The following CNTN5 variants were observed in gnomAD, a reference collection of about 807,000 sequenced individuals.
The protein encoded by CNTN5 is contactin 5, also known as contactin-5.
CNTN5 carries 77 observed loss-of-function variants against 129.1 expected under a neutral mutation model. The ratio of observed to expected loss-of-function variants is 0.60; its 90% confidence interval spans 0.50 to 0.72. The LOEUF is 0.72. Ranked by LOEUF, CNTN5 falls within the 30% of genes least tolerant of loss-of-function variation. The pLI is 0.00. For synonymous variants in CNTN5, 509 were observed against 465.6 expected (o/e 1.09, Z -1.20); for missense variants, 1,478 against 1,328.8 (o/e 1.11, Z -1.75).
intron 3 of CNTN5, among the ~76,000 whole-genome samples, chr11:99,606,728 T>C (rs1171624574): frequency 2.1e-5 from 3 of 144,188 alleles, no homozygotes; most frequent in African/African-American, 7.6e-5. Context: ...CAAAACAGCA[T>C]GTTACTGGTA....
At chr11:99,931,420 A>T (rs1950189645) in intron 7 of CNTN5, among the ~76,000 whole-genome samples, 1 of 152,190 alleles carries the variant, frequency 6.6e-6, no homozygotes, top group Non-Finnish European at 1.5e-5. Context: ...AGAACACTGC[A>T]ATAACCTTGG....
chr11:99,548,380 A>G (rs920371251), intron 2 of CNTN5, among the ~76,000 whole-genome samples: 1 of 152,230 alleles, frequency 6.6e-6, no homozygotes, highest in African/African-American at 2.4e-5. Context: ...CTGAGCAGTG[A>G]GAATTTGTAG....
At chr11:99,463,628 G>GA (rs534775768) in intron 2 of CNTN5, among the ~76,000 whole-genome samples, 21 of 152,098 alleles carry the variant, frequency 1.4e-4, no homozygotes, top group Middle Eastern at 6.9e-3. Flanking sequence ...ATCTGAGACA[G>GA]AATCAGTCAT....
intron 2 of CNTN5, among the ~76,000 whole-genome samples, chr11:99,341,740 G>A (rs1406251942): frequency 6.6e-6 from 1 of 152,066 alleles, no homozygotes; most frequent in African/African-American, 2.4e-5. Context: ...TTACAAGAAC[G>A]TTTTTTACTT....
At chr11:99,533,675 G>A (rs552797162) in intron 2 of CNTN5, among the ~76,000 whole-genome samples, 1 of 152,342 alleles carries the variant, frequency 6.6e-6, no homozygotes, top group East Asian at 1.9e-4. Flanking sequence ...CTGTTCACTG[G>A]TGGGGGTACA....
chr11:99,157,095 T>C (rs1460917323), intron 1 of CNTN5, among the ~76,000 whole-genome samples: 1 of 152,030 alleles, frequency 6.6e-6, no homozygotes, highest in East Asian at 1.9e-4. Flanking sequence ...GTTTTGGTGA[T>C]GATAAGTAGC....
intron 3 of CNTN5, among the ~76,000 whole-genome samples, chr11:99,659,532 T>C (rs925480809): frequency 6.6e-6 from 1 of 152,146 alleles, no homozygotes; most frequent in Non-Finnish European, 1.5e-5. Context: ...ACAGATTTAT[T>C]ATAAGGAATT....
At chr11:99,198,398 C>T (rs981753743) in intron 1 of CNTN5, among the ~76,000 whole-genome samples, 1 of 151,990 alleles carries the variant, frequency 6.6e-6, no homozygotes, top group Non-Finnish European at 1.5e-5. Flanking sequence ...CCTAAGAGTA[C>T]AATAAACTAA....
chr11:100,108,840 A>G (rs961919140), intron 13 of CNTN5, among the ~76,000 whole-genome samples: 13 of 152,116 alleles, frequency 8.5e-5, no homozygotes, highest in African/African-American at 3.1e-4. Context: ...TCAAAGTTCA[A>G]TAATGTTTAA....
intron 1 of CNTN5, among the ~76,000 whole-genome samples, chr11:99,204,084 G>A (rs1164609492): frequency 7.2e-5 from 11 of 152,082 alleles, no homozygotes; most frequent in Admixed American, 2.6e-4. Context: ...TTATCACAAC[G>A]CTCTATCTCA....
Position 99,441,833 on chromosome 11 carries a change from G to A in CNTN5, c.-70-114312G>A, listed in dbSNP as rs79246867. ...AATGCATTGTTATGAAAAGGCTAAA[G>A]TCTTCAAAGTCATTTTTAATATATT... On this transcript the variant is annotated intron_variant, in intron 2 of 24. Coordinates refer to ENST00000524871, the MANE Select transcript of CNTN5 (RefSeq NM_014361.4). Among the ~76,000 whole-genome samples, 1,138 of 152,162 alleles carry A rather than the reference G, an allele frequency of 7.5e-3. 23 individuals carry two copies. The highest frequency in any genetic ancestry group is 0.026 in the African/African-American group (1,060 of 41,508).
chr11:99,529,681 G>GA (rs1164403947), intron 2 of CNTN5, among the ~76,000 whole-genome samples: 1 of 151,840 alleles, frequency 6.6e-6, no homozygotes, highest in Non-Finnish European at 1.5e-5. Context: ...AAATAATACA[G>GA]AAAAAAATGA....
At chr11:99,359,549 C>T (rs1938951344) in intron 2 of CNTN5, among the ~76,000 whole-genome samples, 1 of 150,876 alleles carries the variant, frequency 6.6e-6, no homozygotes, top group African/African-American at 2.4e-5. Context: ...GAAGTCTTAC[C>T]TTGTTCCTTA....
chr11:99,706,711 C>T (rs761801932), intron 3 of CNTN5, among the ~76,000 whole-genome samples: 22 of 151,442 alleles, frequency 1.5e-4, no homozygotes. Flanking sequence ...CGAGTGAATT[C>T]TATCTATCTT....
chr11:99,341,968 G>A (rs777139380), intron 2 of CNTN5, among the ~76,000 whole-genome samples: 1 of 152,054 alleles, frequency 6.6e-6, no homozygotes, highest in Non-Finnish European at 1.5e-5. Flanking sequence ...CAATAATCCA[G>A]ATTTGAATTC....
At chr11:100,204,297 A>AATATATATATATATATATAT (rs10633078) in intron 15 of CNTN5, among the ~76,000 whole-genome samples, 2 of 17,658 alleles carry the variant, frequency 1.1e-4, no homozygotes, top group Non-Finnish European at 1.6e-4. Context: ...AACATTGACT[A>AATATATATATATATATATAT]ATATATATAT....
At chr11:100,029,664 G>C (rs770581) in intron 9 of CNTN5, among the ~76,000 whole-genome samples, 79,512 of 151,950 alleles carry the variant, frequency 0.52, 21,022 homozygotes, top group East Asian at 0.74. Flanking sequence ...ATTTGAGTCT[G>C]CTATTCCTTC....
rs931850055 is a variant in CNTN5 at position 99,782,575 on chromosome 11, C to G, written c.56-36969C>G. 5.1e-4 allele frequency among the ~76,000 whole-genome samples: 77 copies of G among 151,864 alleles called. 1 individual carries two copies. The highest frequency in any genetic ancestry group is 1.3e-4 in the Non-Finnish European group (9 of 67,994). ...AGGCATCACACTACCTGACTTCAAA[C>G]TATACTGCAAGGCTACAGTAACCAA... On this transcript the variant is annotated intron_variant, in intron 3 of 24. Coordinates refer to ENST00000524871, the MANE Select transcript of CNTN5 (RefSeq NM_014361.4).
chr11:100,124,948 T>G (rs1946136031), intron 13 of CNTN5, among the ~76,000 whole-genome samples: 1 of 152,112 alleles, frequency 6.6e-6, no homozygotes, highest in South Asian at 2.1e-4. Context: ...GATGGCTTGT[T>G]GAAATACAGA....
Sources: gnomAD v4.1 joint callset for allele counts (sites outside exome capture counted in the v4.1 genomes callset) on GRCh38, gnomAD v4.1.1 for gene constraint, MANE v1.5 for transcripts, NCBI Gene and HGNC (gene_info 2026-07-23, HGNC 2026-07-21) for gene names.